Variants in ECPAS observed in about 807,000 individuals in gnomAD.
The protein encoded by ECPAS is proteasome adapter and scaffold protein ECM29.
ECPAS carries 70 observed loss-of-function variants against 255.1 expected under a neutral mutation model. The ratio of observed to expected loss-of-function variants is 0.27; its 90% CI spans 0.23 to 0.33. ECPAS has a LOEUF of 0.33. ECPAS is among the 10% of genes least tolerant of loss of function. The pLI is 1.00. For missense variants in ECPAS, 1,817 were observed against 2,206.4 expected (o/e 0.82, Z 3.54); for synonymous variants, 784 against 775.0 (o/e 1.01, Z -0.19).
At chr9:111,420,797 ATT>A (rs1303612991) in intron 15 of ECPAS, among the ~76,000 whole-genome samples, 1 of 152,124 alleles carries the variant, frequency 6.6e-6, no homozygotes, top group African/African-American at 2.4e-5. Context: ...AAATATATAT[ATT>A]GTCCCACTCA....
chr9:111,481,958 T>A (rs2098306162), intron 1 of ECPAS, among the ~76,000 whole-genome samples: 1 of 152,124 alleles, frequency 6.6e-6, no homozygotes, highest in Non-Finnish European at 1.5e-5. Flanking sequence ...GGAATGAGGA[T>A]TTGTTGTTTA....
chr9:111,431,704 C>T (rs1324514302), intron 8 of ECPAS, among the ~76,000 whole-genome samples: 2 of 152,072 alleles, frequency 1.3e-5, no homozygotes, highest in Admixed American at 1.3e-4. Flanking sequence ...TGCCCTTTGA[C>T]ATTGGTTCTG....
intron 1 of ECPAS, among the ~76,000 whole-genome samples, chr9:111,477,118 C>CT (rs1458393291): frequency 1.9e-4 from 28 of 148,216 alleles, no homozygotes; most frequent in South Asian, 8.6e-4. Context: ...TCTTTTTTTT[C>CT]TTTTTTTTGA....
chr9:111,373,979 A>G lies in ECPAS; in HGVS notation c.4170T>C (p.Pro1390=). The G allele has an allele frequency of 3.1e-6, 5 of 1,611,526 alleles. No individual in the cohort carries two copies. The highest frequency in any genetic ancestry group is 4.2e-6 in the Non-Finnish European group (5 of 1,177,660). ...LTTQCPQDLT[P]YSGKLMSALL... is the part of the protein sequence containing the mutation. ...ATCCCTTGACAAACTCACCTGAGTAAGGTGTTAGGTCCTGAGGACACTGAG... is the reference window on the plus strand; with the variant it reads ...ATCCCTTGACAAACTCACCTGAGTAGGGTGTTAGGTCCTGAGGACACTGAG... The change falls in exon 39 of 50, where the codon CCT becomes CCC. Residue 1390 remains proline (P), a synonymous_variant. Transcript: ENST00000684092.
chr9:111,467,104 A>C (rs1022393180), intron 2 of ECPAS, among the ~76,000 whole-genome samples: 3 of 152,204 alleles, frequency 2.0e-5, no homozygotes, highest in African/African-American at 4.8e-5. Flanking sequence ...AGGGAGGAAA[A>C]GCTATTTTCT....
rs1030313203 is a variant in ECPAS, at chr9:111,404,972, T to A, written c.2652+3599A>T. Among the ~76,000 whole-genome samples the A allele has an allele frequency of 1.7e-4, 25 of 149,426 alleles. 1 individual carries two copies. The highest frequency in any genetic ancestry group is 1.2e-3 in the Admixed American group (18 of 15,164). On this transcript the variant is annotated intron_variant, in intron 24 of 49. Transcript: ENST00000684092. ...ATGGATTGAAATCGTATTATTAAAA[T>A]TTCCATACTACCAAAAACGATCTAC...
In ECPAS at chr9:111,391,755, C is replaced by A; in HGVS notation, c.3161+1G>T. The A allele has an allele frequency of 1.3e-6, 2 of 1,585,012 alleles. No individual in the cohort carries two copies. Among genetic ancestry groups the A allele is most frequent in the Non-Finnish European group, 1.7e-6 (2 of 1,155,560 alleles). The stretch of plus-strand genomic sequence containing the variant: ...CCATTCAATGGATTTAGCATACTTA[C>A]CCATCTGGTGTTTTGCCAAGAGCTC... On this transcript the variant is annotated splice_donor_variant, in intron 29 of 49. Transcript: ENST00000684092. LOFTEE classifies it high-confidence loss of function.
Position 111,413,869 on chromosome 9 carries a change from T to A in ECPAS, c.2079+26A>T, listed in dbSNP as rs531929159. The A allele has an allele frequency of 6.8e-4, 951 of 1,398,414 alleles. 7 individuals are homozygous for A. The highest frequency in any genetic ancestry group is 7.2e-4 in the Middle Eastern group (4 of 5,532). 86.6% of individuals were successfully genotyped at this position (1,398,414 alleles called of 1,614,324 possible). ...TTAAGGTCTGAAATAGAATTTTTTTTAAAAAAAGGTACATGCAGAACATAC... is the reference window on the plus strand; with the variant it reads ...TTAAGGTCTGAAATAGAATTTTTTTAAAAAAAAGGTACATGCAGAACATAC... On this transcript the variant is annotated intron_variant, in intron 20 of 49. Transcript: ENST00000684092.
intron 5 of ECPAS, among the ~76,000 whole-genome samples, chr9:111,441,412 G>A (rs1205292156): frequency 6.6e-6 from 1 of 151,788 alleles, no homozygotes; most frequent in Non-Finnish European, 1.5e-5. Context: ...GGCTAAGGCA[G>A]GAGAAACACT....
Position 111,394,148 on chromosome 9 carries a change from A to C in ECPAS, c.2922+12T>G, listed in dbSNP as rs1456597655. On this transcript the variant is annotated intron_variant, in intron 26 of 49. Transcript: ENST00000684092. ...GTTTCCAACAGGGCTGACCACATAC[A>C]GCATGGCTCACCTTCACTTCTTTGT... 1.9e-6 allele frequency: 3 copies of C among 1,595,432 alleles called. No homozygotes were observed. Among genetic ancestry groups the C allele is most frequent in the African/African-American group, 2.7e-5 (2 of 74,064 alleles).
At position 111,478,205 on chromosome 9, in the gene ECPAS, G is replaced by C. The variant is rs910420036; in HGVS notation, c.-82-5205C>G. Among the ~76,000 whole-genome samples the C allele has an allele frequency of 1.8e-4, 28 of 151,442 alleles. 1 individual carries two copies. Among genetic ancestry groups the C allele is most frequent in the Admixed American group, 1.8e-3 (28 of 15,176 alleles). On this transcript the variant is annotated intron_variant, in intron 1 of 49. Coordinates refer to ENST00000684092, the MANE Select transcript of ECPAS (RefSeq NM_001364929.1). ...CTTGAGTCACCGCACCCAGCCTTCT[G>C]GCAACTTCATGCTCAATGGTATTAC...
At chr9:111,398,275 C>T (rs1017347017) in intron 24 of ECPAS, among the ~76,000 whole-genome samples, 7 of 152,170 alleles carry the variant, frequency 4.6e-5, no homozygotes, top group African/African-American at 1.7e-4. Context: ...CTCTTGGCAA[C>T]TTCAAGCTGA....
chr9:111,399,086 T>C (rs1414073539), intron 24 of ECPAS, among the ~76,000 whole-genome samples: 1 of 152,164 alleles, frequency 6.6e-6, no homozygotes, highest in Non-Finnish European at 1.5e-5. Context: ...AGGGGATGGA[T>C]ACCCTATTCT....
intron 8 of ECPAS, among the ~76,000 whole-genome samples, chr9:111,431,602 C>T (rs1318288843): frequency 6.6e-6 from 1 of 151,896 alleles, no homozygotes; most frequent in Admixed American, 6.6e-5. Context: ...CGTTCCCACC[C>T]TCTGCAGCAG....
At chr9:111,386,694 T>G (rs1450905032) in intron 31 of ECPAS, among the ~76,000 whole-genome samples, 4 of 152,232 alleles carry the variant, frequency 2.6e-5, no homozygotes, top group Admixed American at 2.0e-4. Flanking sequence ...CCTCAGTGCA[T>G]GAGAATGAAG....
At position 111,384,443 on chromosome 9, in the gene ECPAS, T is replaced by C. The variant is rs1055021808; in HGVS notation, c.3681+79A>G. 13 of 1,286,714 alleles carry C rather than the reference T, an allele frequency of 1.0e-5. No homozygotes were observed. In the African/African-American group the frequency reaches 1.5e-4, roughly 15 times the overall value. The allele number at this position is 1,286,714 out of a possible 1,614,324, so 79.7% of individuals were successfully genotyped here. A position where few individuals can be genotyped will look rare whatever the true frequency, so the allele number is the denominator to read the frequency against. ...TATACTGCAACTAAATGTCTTTTCC[T>C]ATGACAGTAAGTAAATCATTGTCAT... On this transcript the variant is annotated intron_variant, in intron 34 of 49. Coordinates refer to ENST00000684092, the MANE Select transcript of ECPAS (RefSeq NM_001364929.1).
intron 2 of ECPAS, among the ~76,000 whole-genome samples, chr9:111,455,114 T>C (rs904798278): frequency 3.3e-5 from 5 of 152,174 alleles, no homozygotes; most frequent in Non-Finnish European, 7.3e-5. Context: ...AGAAAAGTCA[T>C]TTTCACTGCA....
chr9:111,392,912 C>T (rs1422296085), intron 27 of ECPAS, 30 bp from the exon 28 acceptor site: 1 of 1,526,606 alleles, frequency 6.6e-7, no homozygotes, highest in Non-Finnish European at 8.9e-7. Flanking sequence ...GATTGTATCA[C>T]TTTAAAAAAA....
intron 1 of ECPAS, among the ~76,000 whole-genome samples, chr9:111,478,998 T>C (rs1312498985): frequency 6.6e-6 from 1 of 152,126 alleles, no homozygotes; most frequent in African/African-American, 2.4e-5. Context: ...ACTCTGACTA[T>C]GGTGCAAAGA....
Sources: gnomAD v4.1 joint callset for allele counts (sites outside exome capture counted in the v4.1 genomes callset) on GRCh38, gnomAD v4.1.1 for gene constraint, MANE v1.5 for transcripts, NCBI Gene and HGNC (gene_info 2026-07-23, HGNC 2026-07-21) for gene names.